LSM3: variants seen among roughly 807,000 people sequenced by gnomAD.
The protein encoded by LSM3 is LSM3 homolog, U6 small nuclear RNA and mRNA degradation associated.
Under a neutral mutation model 15.4 loss-of-function variants are expected in LSM3, and 14 were observed. That is an observed-to-expected ratio of 0.91 (90% CI 0.60 to 1.42). The LOEUF (loss-of-function observed/expected upper bound fraction) is 1.42. Ranked by LOEUF, LSM3 falls within the 40% of genes most tolerant of loss-of-function variation. LSM3 has a pLI of 0.00. For synonymous variants in LSM3, 46 were observed against 45.1 expected (o/e 1.02, Z -0.08); for missense variants, 88 against 127.9 (o/e 0.69, Z 1.50).
At chr3:14,182,471 C>A (rs1697048930) in intron 2 of LSM3, among the ~76,000 whole-genome samples, 2 of 151,896 alleles carry the variant, frequency 1.3e-5, no homozygotes, top group East Asian at 3.9e-4. Context: ...GCTACAAATA[C>A]GTAAATACTT....
At chr3:14,183,104 G>A (rs1697055278) in intron 2 of LSM3, among the ~76,000 whole-genome samples, 1 of 152,152 alleles carries the variant, frequency 6.6e-6, no homozygotes, top group Admixed American at 6.6e-5. Flanking sequence ...TAAACTTGAT[G>A]GTCTCTATCC....
At chr3:14,193,194 C>T (rs1697156998) in intron 3 of LSM3, among the ~76,000 whole-genome samples, 1 of 152,202 alleles carries the variant, frequency 6.6e-6, no homozygotes, top group Non-Finnish European at 1.5e-5. Context: ...ACCTTTCTGT[C>T]TGGCTGCCCT....
At chr3:14,184,355 G>A (rs377553904) in intron 3 of LSM3, among the ~76,000 whole-genome samples, 1 of 152,224 alleles carries the variant, frequency 6.6e-6, no homozygotes, top group Non-Finnish European at 1.5e-5. Flanking sequence ...ATAATAGTGT[G>A]TAACAGTAAT....
Position 14,181,671 on chromosome 3 carries a change from G to A in LSM3, c.132+1G>A. The A allele has an allele frequency of 6.2e-7, 1 of 1,601,998 alleles. No individual in the cohort carries two copies. The highest frequency in any genetic ancestry group is 8.6e-7 in the Non-Finnish European group (1 of 1,169,032). On this transcript the variant is annotated splice_donor_variant, in intron 2 of 3. Transcript: ENST00000306024. LOFTEE classifies it high-confidence loss of function. ...CCGAGAGCTTCGAGGCAGATTACAT[G>A]TAAGTAAATTTATCAAGTTACCTTG...
At chr3:14,191,211 C>T (rs538265062) in intron 3 of LSM3, among the ~76,000 whole-genome samples, 11 of 152,186 alleles carry the variant, frequency 7.2e-5, no homozygotes, top group Admixed American at 4.6e-4. Flanking sequence ...ATTTTTGCAT[C>T]GGTGTTCATC....
At chr3:14,182,079 G>A (rs1371576459) in intron 2 of LSM3, among the ~76,000 whole-genome samples, 1 of 152,158 alleles carries the variant, frequency 6.6e-6, no homozygotes, top group Non-Finnish European at 1.5e-5. Flanking sequence ...TCTTGGCCAG[G>A]TGCAGTGGCT....
At chr3:14,196,261 T>C (rs1697186362) in intron 3 of LSM3, among the ~76,000 whole-genome samples, 1 of 152,060 alleles carries the variant, frequency 6.6e-6, no homozygotes, top group Non-Finnish European at 1.5e-5. Flanking sequence ...TGGCCGAGTT[T>C]TGTGAGTTTG....
chr3:14,198,174 A>G lies in LSM3; in HGVS notation c.*58A>G. 1 of 1,246,436 alleles carries G rather than the reference A, an allele frequency of 8.0e-7. No individual in the cohort carries two copies. The highest frequency in any genetic ancestry group is 1.2e-6 in the Non-Finnish European group (1 of 851,610). The allele number at this position is 1,246,436 out of a possible 1,614,324, so 77.2% of individuals were successfully genotyped here. A position where few individuals can be genotyped will look rare whatever the true frequency, so the allele number is the denominator to read the frequency against. On this transcript the variant is annotated 3_prime_UTR_variant, in exon 4 of 4. Transcript: ENST00000306024. ...GACTTTGTACAGTGGCCTCTCTAAA[A>G]GTACAAAACATTCATAAGAGAAACC...
intron 1 of LSM3, 68 bp downstream of exon 1, chr3:14,178,949 A>T: frequency 6.4e-7 from 1 of 1,551,536 alleles, no homozygotes; most frequent in South Asian, 1.1e-5. Flanking sequence ...CAGACTCAGG[A>T]AAAATGGCCA....
chr3:14,180,392 G>C (rs553243879), intron 1 of LSM3, among the ~76,000 whole-genome samples: 1 of 151,756 alleles, frequency 6.6e-6, no homozygotes. Context: ...GGGTTCAAGT[G>C]ATTCTCCTGT....
At chr3:14,179,437 C>T (rs1696989772) in intron 1 of LSM3, among the ~76,000 whole-genome samples, 1 of 152,158 alleles carries the variant, frequency 6.6e-6, no homozygotes, top group African/African-American at 2.4e-5. Flanking sequence ...ACAGATGGTC[C>T]TAGAAGCTTT....
chr3:14,199,125 C>G lies in LSM3; in HGVS notation c.*1009C>G, dbSNP rs1369584752. 6.6e-6 allele frequency: 1 copy of G among 152,140 alleles called. No homozygotes were observed. 9.4% of individuals were successfully genotyped at this position (152,140 alleles called of 1,614,324 possible). ...GGTCAGACGTTCAGCTTGATCATAA[C>G]CTGTTTATAATTATGACTCAGACCA... On this transcript the variant is annotated 3_prime_UTR_variant, in exon 4 of 4. Transcript: ENST00000306024.
intron 1 of LSM3, among the ~76,000 whole-genome samples, chr3:14,179,364 T>C (rs1156747160): frequency 2.0e-5 from 3 of 152,152 alleles, no homozygotes; most frequent in Non-Finnish European, 4.4e-5. Context: ...TAAATATAAA[T>C]ATGTAAGACT....
intron 1 of LSM3, among the ~76,000 whole-genome samples, chr3:14,180,100 C>T (rs1415729782): frequency 6.6e-6 from 1 of 152,122 alleles, no homozygotes; most frequent in East Asian, 1.9e-4. Context: ...CAGTTACCTT[C>T]CTCCACTGGC....
At chr3:14,184,716 C>T (rs1478230949) in intron 3 of LSM3, among the ~76,000 whole-genome samples, 1 of 146,024 alleles carries the variant, frequency 6.8e-6, no homozygotes, top group Non-Finnish European at 1.5e-5. Flanking sequence ...GAGATCCCGC[C>T]ACTGCACTCC....
intron 2 of LSM3, among the ~76,000 whole-genome samples, chr3:14,183,132 C>T (rs1697055646): frequency 6.6e-6 from 1 of 152,204 alleles, no homozygotes; most frequent in Non-Finnish European, 1.5e-5. Context: ...CCCCAACTTT[C>T]TGTTTGTTTT....
At chr3:14,191,924 A>C (rs918242032) in intron 3 of LSM3, among the ~76,000 whole-genome samples, 2 of 152,184 alleles carry the variant, frequency 1.3e-5, no homozygotes, top group African/African-American at 4.8e-5. Flanking sequence ...ATTTAGTGCT[A>C]TAAATTTTCC....
chr3:14,191,294 T>C (rs1183021800), intron 3 of LSM3, among the ~76,000 whole-genome samples: 2 of 152,234 alleles, frequency 1.3e-5, no homozygotes, highest in African/African-American at 4.8e-5. Flanking sequence ...GATGCTGGCC[T>C]CATAAAATGA....
chr3:14,190,406 T>C (rs777705387), intron 3 of LSM3, among the ~76,000 whole-genome samples: 5 of 152,224 alleles, frequency 3.3e-5, no homozygotes, highest in Non-Finnish European at 7.3e-5. Context: ...TTTCATGATA[T>C]TGATTCTTCC....
Sources: allele counts gnomAD v4.1 joint callset (sites outside exome capture counted in the v4.1 genomes callset), GRCh38; gene constraint gnomAD v4.1.1; transcripts MANE v1.5; gene names NCBI Gene and HGNC (gene_info 2026-07-23, HGNC 2026-07-21).